Variants in JARID2 observed in about 807,000 individuals in gnomAD.
JARID2 encodes the protein protein Jumonji.
JARID2 carries 21 observed loss-of-function variants against 125.6 expected under a neutral mutation model. The ratio of observed to expected loss-of-function variants is 0.17; its 90% CI spans 0.12 to 0.24. The LOEUF (loss-of-function observed/expected upper bound fraction) is 0.24, where lower values mean the gene tolerates loss of function less well. Among genes scored for constraint, JARID2 ranks in the 10% least tolerant of loss-of-function variants. JARID2 has a pLI of 1.00. For synonymous variants in JARID2, 736 were observed against 661.6 expected, an observed-to-expected ratio of 1.11 and a Z score of -1.73; for missense variants, 1,303 against 1,639.6, an observed-to-expected ratio of 0.79 and a Z score of 3.55.
At chr6:15,321,953 A>G (rs1762373982) in intron 1 of JARID2, among the ~76,000 whole-genome samples, 1 of 151,622 alleles carries the variant, frequency 6.6e-6, no homozygotes, top group African/African-American at 2.4e-5. Flanking sequence ...CACTACGCCC[A>G]GCTAATTTTT....
At chr6:15,256,243 A>G (rs750031967) in intron 1 of JARID2, among the ~76,000 whole-genome samples, 5 of 152,316 alleles carry the variant, frequency 3.3e-5, no homozygotes, top group South Asian at 2.1e-4. Flanking sequence ...TTGATTCTTA[A>G]TAAAGCAAGC....
At chr6:15,433,450 G>A (rs1479625520) in intron 3 of JARID2, among the ~76,000 whole-genome samples, 6 of 145,496 alleles carry the variant, frequency 4.1e-5, no homozygotes, top group African/African-American at 1.5e-4. Flanking sequence ...GTGTGTGTGT[G>A]TATAATTTCA....
intron 2 of JARID2, among the ~76,000 whole-genome samples, chr6:15,387,266 C>T (rs1561829937): frequency 6.6e-6 from 1 of 152,162 alleles, no homozygotes; most frequent in East Asian, 1.9e-4. Context: ...GATAGGATTG[C>T]TAATCATATT....
At chr6:15,388,160 T>C (rs1211512023) in intron 2 of JARID2, among the ~76,000 whole-genome samples, 4 of 152,154 alleles carry the variant, frequency 2.6e-5, no homozygotes, top group African/African-American at 7.2e-5. Context: ...ACTATCAGAT[T>C]TATTGTAATG....
intron 3 of JARID2, among the ~76,000 whole-genome samples, chr6:15,432,641 A>G (rs1226354527): frequency 6.6e-6 from 1 of 152,206 alleles, no homozygotes; most frequent in Non-Finnish European, 1.5e-5. Flanking sequence ...GTTTCCTGCC[A>G]TAGCTGGAAA....
chr6:15,259,126 C>G (rs868426752), intron 1 of JARID2, among the ~76,000 whole-genome samples: 3 of 152,146 alleles, frequency 2.0e-5, no homozygotes, highest in Non-Finnish European at 2.9e-5. Context: ...GGGTAGTGTT[C>G]ACAGTGTGAC....
intron 1 of JARID2, among the ~76,000 whole-genome samples, chr6:15,300,722 T>TGTGTGTGTGTGTGTGTGA (rs1246745065): frequency 3.6e-5 from 4 of 111,114 alleles, no homozygotes; most frequent in Admixed American, 8.8e-5. Flanking sequence ...TGTGTGTGTG[T>TGTGTGTGTGTGTGTGTGA]GAGAGAGAGA....
chr6:15,346,638 C>CAGG (rs1763253231), intron 1 of JARID2, among the ~76,000 whole-genome samples: 1 of 152,126 alleles, frequency 6.6e-6, no homozygotes, highest in African/African-American at 2.4e-5. Context: ...TCTTGATCTC[C>CAGG]AGGAGCCTTG....
chr6:15,519,416 G>A (rs1231975605), intron 17 of JARID2, among the ~76,000 whole-genome samples: 1 of 152,168 alleles, frequency 6.6e-6, no homozygotes, highest in African/African-American at 2.4e-5. Context: ...CAGGCCCTCA[G>A]ATGTTTCATT....
intron 2 of JARID2, among the ~76,000 whole-genome samples, chr6:15,403,362 C>T (rs1044667810): frequency 5.3e-5 from 8 of 152,066 alleles, no homozygotes; most frequent in Non-Finnish European, 1.0e-4. Flanking sequence ...TTAGGATGTA[C>T]GAAGGGGAGA....
intron 1 of JARID2, among the ~76,000 whole-genome samples, chr6:15,350,660 T>C (rs897411245): frequency 6.1e-5 from 9 of 147,994 alleles, no homozygotes; most frequent in African/African-American, 2.0e-4. Context: ...GGGCCTTCAC[T>C]GATTGCATTT....
chr6:15,514,525 G>A (rs1421993176), intron 16 of JARID2, among the ~76,000 whole-genome samples: 4 of 152,160 alleles, frequency 2.6e-5, no homozygotes, highest in Admixed American at 6.5e-5. Flanking sequence ...GACCCGGGTC[G>A]ACTCTCCTTG....
intron 1 of JARID2, among the ~76,000 whole-genome samples, chr6:15,263,080 G>GTGTGTGTGTGTGTT (rs1759947755): frequency 7.7e-5 from 3 of 38,910 alleles, no homozygotes; most frequent in African/African-American, 2.7e-4. Context: ...GTGTTTGTGT[G>GTGTGTGTGTGTGTT]TGTGTGTGTG....
At chr6:15,424,683 C>A (rs1442493948) in intron 3 of JARID2, among the ~76,000 whole-genome samples, 1 of 152,050 alleles carries the variant, frequency 6.6e-6, no homozygotes, top group Non-Finnish European at 1.5e-5. Flanking sequence ...CATGGAGAAC[C>A]CCTGCCTCCA....
intron 1 of JARID2, among the ~76,000 whole-genome samples, chr6:15,287,951 A>G (rs768360017): frequency 3.9e-5 from 6 of 152,152 alleles, no homozygotes; most frequent in Admixed American, 6.5e-5. Context: ...TACCTAGCAC[A>G]GTGTCACAGG....
At chr6:15,298,098 A>G (rs1761478565) in intron 1 of JARID2, among the ~76,000 whole-genome samples, 1 of 152,180 alleles carries the variant, frequency 6.6e-6, no homozygotes, top group African/African-American at 2.4e-5. Context: ...TAGGGAGCTT[A>G]CCCAACTTTT....
chr6:15,257,803 G>C (rs957401666), intron 1 of JARID2, among the ~76,000 whole-genome samples: 19 of 152,206 alleles, frequency 1.2e-4, no homozygotes, highest in African/African-American at 4.6e-4. Context: ...AAGTAGTAAA[G>C]ATGTCAGTTG....
chr6:15,308,738 T>C (rs1761917544), intron 1 of JARID2, among the ~76,000 whole-genome samples: 3 of 152,198 alleles, frequency 2.0e-5, no homozygotes. Flanking sequence ...AAGACAGGAA[T>C]TGTAAAAACA....
chr6:15,373,470 A>T (rs1335523319), intron 1 of JARID2, among the ~76,000 whole-genome samples: 1 of 152,210 alleles, frequency 6.6e-6, no homozygotes, highest in Non-Finnish European at 1.5e-5. Flanking sequence ...GACCTTCAAG[A>T]TCCATCATTA....
Sources: allele counts gnomAD v4.1 joint callset (sites outside exome capture counted in the v4.1 genomes callset), GRCh38; gene constraint gnomAD v4.1.1; transcripts MANE v1.5; gene names NCBI Gene and HGNC (gene_info 2026-07-23, HGNC 2026-07-21).